NRXN1: variants seen among roughly 807,000 people sequenced by gnomAD.
NRXN1 encodes neurexin 1.
NRXN1 carries 39 observed loss-of-function variants against 150.9 expected under a neutral mutation model. That is an observed-to-expected ratio of 0.26 (90% confidence interval 0.20 to 0.34). The LOEUF is 0.34. Among genes scored for constraint, NRXN1 ranks in the 10% least tolerant of loss-of-function variants. The pLI is 1.00. For missense variants in NRXN1, 1,815 were observed against 1,949.9 expected, an observed-to-expected ratio of 0.93 and a Z score of 1.30; for synonymous variants, 924 against 757.0, an observed-to-expected ratio of 1.22 and a Z score of -3.62.
intron 17 of NRXN1, among the ~76,000 whole-genome samples, chr2:50,279,218 T>A (rs972827861): frequency 1.3e-5 from 2 of 152,308 alleles, no homozygotes; most frequent in Non-Finnish European, 2.9e-5. Flanking sequence ...GATACAGTTA[T>A]CTATAAAACA....
At chr2:50,666,552 G>T (rs1459854539) in intron 5 of NRXN1, among the ~76,000 whole-genome samples, 1 of 151,860 alleles carries the variant, frequency 6.6e-6, no homozygotes, top group African/African-American at 2.4e-5. Flanking sequence ...TCCCATGAAT[G>T]GTATGTGAGA....
At chr2:50,768,270 T>C (rs1373993354) in intron 5 of NRXN1, among the ~76,000 whole-genome samples, 1 of 152,028 alleles carries the variant, frequency 6.6e-6, no homozygotes, top group African/African-American at 2.4e-5. Context: ...GCAGTAAAGT[T>C]AGGGATAAAG....
intron 17 of NRXN1, among the ~76,000 whole-genome samples, chr2:50,357,919 C>T (rs1348085608): frequency 6.6e-6 from 1 of 152,062 alleles, no homozygotes; most frequent in East Asian, 1.9e-4. Context: ...TGGGTGCAGC[C>T]CACGGAGAGC....
intron 12 of NRXN1, among the ~76,000 whole-genome samples, chr2:50,522,090 G>A (rs986464138): frequency 1.3e-5 from 2 of 152,088 alleles, no homozygotes; most frequent in African/African-American, 2.4e-5. Flanking sequence ...ATACAGTAAA[G>A]GAAGGAAGAG....
At chr2:50,609,306 T>C (rs1016006052) in intron 8 of NRXN1, among the ~76,000 whole-genome samples, 10 of 152,074 alleles carry the variant, frequency 6.6e-5, no homozygotes, top group Non-Finnish European at 1.5e-4. Flanking sequence ...TCAAAAGTTA[T>C]TAAGAATTTC....
chr2:50,222,655 A>C (rs901980700), intron 18 of NRXN1, among the ~76,000 whole-genome samples: 1 of 151,992 alleles, frequency 6.6e-6, no homozygotes, highest in African/African-American at 2.4e-5. Flanking sequence ...TGCTACCCTC[A>C]TAACATGTAG....
intron 12 of NRXN1, among the ~76,000 whole-genome samples, chr2:50,515,072 T>C (rs2092588039): frequency 6.6e-6 from 1 of 152,152 alleles, no homozygotes; most frequent in African/African-American, 2.4e-5. Context: ...CCAGAGAAGC[T>C]TCATCTGTAT....
At chr2:50,505,894 A>G (rs1284117089) in intron 13 of NRXN1, among the ~76,000 whole-genome samples, 3 of 152,134 alleles carry the variant, frequency 2.0e-5, no homozygotes, top group Admixed American at 6.6e-5. Flanking sequence ...TAAAGGCAAA[A>G]GGATTTTTCT....
intron 17 of NRXN1, among the ~76,000 whole-genome samples, chr2:50,268,710 T>A (rs2069188331): frequency 1.3e-5 from 2 of 152,198 alleles, no homozygotes; most frequent in African/African-American, 4.8e-5. Context: ...GTGAGATCTT[T>A]GCTTTTCAAT....
At chr2:50,622,525 T>A (rs952312979) in intron 6 of NRXN1, among the ~76,000 whole-genome samples, 1 of 152,206 alleles carries the variant, frequency 6.6e-6, no homozygotes, top group Non-Finnish European at 1.5e-5. Context: ...CCAAAACTTA[T>A]AATGTTCAAT....
intron 5 of NRXN1, among the ~76,000 whole-genome samples, chr2:50,810,628 C>T (rs1264024382): frequency 6.6e-6 from 1 of 152,142 alleles, no homozygotes; most frequent in East Asian, 1.9e-4. Context: ...GCAATTTTAC[C>T]TTACTTGACA....
Position 50,334,112 on chromosome 2 carries a change from T to A in NRXN1, c.3365-97142A>T, listed in dbSNP as rs2077013223. On this transcript the variant is annotated intron_variant, in intron 17 of 22. Transcript: ENST00000401669. Reference sequence around the variant, plus strand: ...TCTCTGGCAACTCCCAGCCAATGTCTAGAGAGCACAGCACTGTGTTTTCCA... The same window carrying A: ...TCTCTGGCAACTCCCAGCCAATGTCAAGAGAGCACAGCACTGTGTTTTCCA... Among the ~76,000 whole-genome samples, 3 of 151,046 alleles carry A rather than the reference T, an allele frequency of 2.0e-5. No homozygotes were observed. In the South Asian group the frequency reaches 6.3e-4, roughly 31 times the overall value.
intron 17 of NRXN1, among the ~76,000 whole-genome samples, chr2:50,389,695 T>G (rs961333206): frequency 1.3e-5 from 2 of 152,150 alleles, no homozygotes; most frequent in African/African-American, 2.4e-5. Context: ...TAAATTGCTA[T>G]TTTTTATCAA....
At chr2:50,256,327 G>A (rs2152905228) in intron 17 of NRXN1, among the ~76,000 whole-genome samples, 1 of 152,164 alleles carries the variant, frequency 6.6e-6, no homozygotes, top group East Asian at 1.9e-4. Flanking sequence ...AACAATAGTT[G>A]GTTGGCTACA....
chr2:49,964,336 T>A (rs2104582000), intron 21 of NRXN1, among the ~76,000 whole-genome samples: 1 of 152,262 alleles, frequency 6.6e-6, no homozygotes, highest in Admixed American at 6.5e-5. Flanking sequence ...TCCCAGCACT[T>A]TGGGAGGCTG....
intron 17 of NRXN1, among the ~76,000 whole-genome samples, chr2:50,461,140 G>C (rs1253637936): frequency 2.0e-5 from 3 of 151,978 alleles, no homozygotes; most frequent in Non-Finnish European, 4.4e-5. Flanking sequence ...ATTTTTAAAT[G>C]TCATGGTAAA....
intron 12 of NRXN1, among the ~76,000 whole-genome samples, chr2:50,524,257 TCACC>T (rs1263049392): frequency 2.0e-5 from 3 of 152,098 alleles, no homozygotes; most frequent in Non-Finnish European, 4.4e-5. Flanking sequence ...GGCAGACAGA[TCACC>T]TGAGGTCAGG....
At chr2:50,113,070 AG>A (rs1702585975) in intron 18 of NRXN1, among the ~76,000 whole-genome samples, 1 of 152,086 alleles carries the variant, frequency 6.6e-6, no homozygotes, top group Non-Finnish European at 1.5e-5. Flanking sequence ...CTTCTTCTGA[AG>A]CCCTCATTAC....
intron 17 of NRXN1, among the ~76,000 whole-genome samples, chr2:50,263,107 G>C (rs1050526546): frequency 6.6e-6 from 1 of 151,336 alleles, no homozygotes; most frequent in Non-Finnish European, 1.5e-5. Context: ...GCACTAATTG[G>C]AGACTACATG....
Sources: gnomAD v4.1 joint callset for allele counts (sites outside exome capture counted in the v4.1 genomes callset) on GRCh38, gnomAD v4.1.1 for gene constraint, MANE v1.5 for transcripts, NCBI Gene and HGNC (gene_info 2026-07-23, HGNC 2026-07-21) for gene names.